Variants in AGO3 observed in about 807,000 individuals in gnomAD.
AGO3 encodes argonaute RISC catalytic component 3.
Under a neutral mutation model 105.5 loss-of-function variants are expected in AGO3, and 16 were observed. The ratio of observed to expected loss-of-function variants is 0.15; its 90% CI spans 0.10 to 0.23. AGO3 has a LOEUF of 0.23. Ranked by LOEUF, AGO3 falls within the 10% of genes least tolerant of loss-of-function variation. AGO3 has a pLI of 1.00. For missense variants in AGO3, 534 were observed against 1,088.0 expected (o/e 0.49, Z 7.16); for synonymous variants, 340 against 367.3 (o/e 0.93, Z 0.85).
At chr1:35,936,553 C>G (rs1048788125) in intron 1 of AGO3, among the ~76,000 whole-genome samples, 1 of 152,104 alleles carries the variant, frequency 6.6e-6, no homozygotes, top group African/African-American at 2.4e-5. Context: ...AACTCCTGAC[C>G]TCAGGTAGTC....
chr1:36,038,316 C>T (rs1003227474), intron 14 of AGO3, among the ~76,000 whole-genome samples: 2 of 130,442 alleles, frequency 1.5e-5, no homozygotes, highest in African/African-American at 5.9e-5. Context: ...ATGCAGTGGG[C>T]GCGATCTTGG....
chr1:36,055,286 T>A lies in AGO3; in HGVS notation c.2474+141T>A. On this transcript the variant is annotated intron_variant, in intron 18 of 18. Coordinates refer to ENST00000373191, the MANE Select transcript of AGO3 (RefSeq NM_024852.4). The surrounding 1 kb of genome is among the most constrained non-coding windows in gnomAD (Gnocchi z 4.4). The stretch of plus-strand genomic sequence containing the variant: ...GAACTGACTGCCCAAGGTTTCCTAT[T>A]GAAATATATTGTCTAGGCTCATTAG... 1 of 832,632 alleles carries A rather than the reference T, an allele frequency of 1.2e-6. No homozygotes were observed. Among genetic ancestry groups the A allele is most frequent in the Non-Finnish European group, 1.9e-6 (1 of 535,616 alleles). The allele number at this position is 832,632 out of a possible 1,614,324, so 51.6% of individuals were successfully genotyped here. A position where few individuals can be genotyped will look rare whatever the true frequency, so the allele number is the denominator to read the frequency against.
At chr1:36,034,881 A>G (rs1272102094) in intron 13 of AGO3, among the ~76,000 whole-genome samples, 2 of 152,226 alleles carry the variant, frequency 1.3e-5, no homozygotes, top group African/African-American at 4.8e-5. Context: ...AAAACACATT[A>G]CTGTTAGATC....
rs919798224 is a variant in AGO3, at chr1:35,986,475, G to C, written c.658+12964G>C. 5.9e-5 allele frequency among the ~76,000 whole-genome samples: 9 copies of C among 152,208 alleles called. No homozygotes were observed. In the Middle Eastern group the frequency reaches 0.01, roughly 173 times the overall value. Reference sequence around the variant, plus strand: ...AGGCAGAGGCCTTCGGATCATATGAGGCCAGGAGTTCAAGACCAGCCTGGT... The same window carrying C: ...AGGCAGAGGCCTTCGGATCATATGACGCCAGGAGTTCAAGACCAGCCTGGT... On this transcript the variant is annotated intron_variant, in intron 5 of 18. Coordinates refer to ENST00000373191, the MANE Select transcript of AGO3 (RefSeq NM_024852.4).
intron 11 of AGO3, among the ~76,000 whole-genome samples, chr1:36,020,105 A>G (rs906069051): frequency 2.0e-5 from 3 of 152,272 alleles, no homozygotes; most frequent in Middle Eastern, 3.4e-3. Flanking sequence ...TTGATGAATC[A>G]TGGAATACAG....
chr1:36,013,879 TC>T (rs1640745445), intron 10 of AGO3, 35 bp from the exon 11 acceptor site: 3 of 1,600,044 alleles, frequency 1.9e-6, no homozygotes, highest in Non-Finnish European at 2.6e-6. Flanking sequence ...AAATTTTTGT[TC>T]TTTTTCACCA....
intron 12 of AGO3, among the ~76,000 whole-genome samples, chr1:36,028,396 C>T (rs565961023): frequency 1.6e-4 from 17 of 104,064 alleles, no homozygotes; most frequent in South Asian, 8.6e-4. Context: ...ATCCCTCCCC[C>T]CCCCCCACCC....
At chr1:36,052,154 G>T (rs1264898643) in intron 17 of AGO3, among the ~76,000 whole-genome samples, 2 of 152,128 alleles carry the variant, frequency 1.3e-5, no homozygotes, top group African/African-American at 2.4e-5. Context: ...GCAAGATATG[G>T]AATCAACCTA....
In AGO3 at chr1:35,937,798, C is replaced by T. The variant is rs115102214; in HGVS notation, c.19+6353C>T. ...ATTGTAATGAGCCTAATAATAAGTGCGGTATGTTTGGACAGATTCATTGAA... is the reference window on the plus strand; with the variant it reads ...ATTGTAATGAGCCTAATAATAAGTGTGGTATGTTTGGACAGATTCATTGAA... On this transcript the variant is annotated intron_variant, in intron 1 of 18. Transcript: ENST00000373191. Among the ~76,000 whole-genome samples, 1,138 of 152,136 alleles carry T rather than the reference C, an allele frequency of 7.5e-3. 5 individuals carry two copies. Among genetic ancestry groups the T allele is most frequent in the Admixed American group, 0.013 (203 of 15,276 alleles).
intron 2 of AGO3, among the ~76,000 whole-genome samples, chr1:35,959,117 T>C (rs563657866): frequency 6.6e-6 from 1 of 152,328 alleles, no homozygotes; most frequent in Non-Finnish European, 1.5e-5. Context: ...CTCTCCTCTT[T>C]TTTACATTAA....
intron 17 of AGO3, among the ~76,000 whole-genome samples, chr1:36,049,491 C>T (rs1194938251): frequency 6.6e-6 from 1 of 151,324 alleles, no homozygotes; most frequent in Non-Finnish European, 1.5e-5. Flanking sequence ...GCACTCCAAC[C>T]TGGCGACAGA....
intron 5 of AGO3, among the ~76,000 whole-genome samples, chr1:35,975,082 A>C (rs1378636991): frequency 6.6e-6 from 1 of 152,172 alleles, no homozygotes. Flanking sequence ...TTTTATGTAT[A>C]TTAAGATAAG....
intron 5 of AGO3, among the ~76,000 whole-genome samples, chr1:35,985,005 A>G (rs1223968961): frequency 1.3e-5 from 2 of 152,188 alleles, no homozygotes; most frequent in Non-Finnish European, 1.5e-5. Context: ...TAAAATTCCA[A>G]TAGGGGGCCA....
intron 17 of AGO3, among the ~76,000 whole-genome samples, chr1:36,051,903 A>G (rs1642730999): frequency 6.6e-6 from 1 of 152,226 alleles, no homozygotes; most frequent in African/African-American, 2.4e-5. Context: ...CACTCAAATT[A>G]ATATAGTCAT....
chr1:36,042,904 T>C (rs910661257), intron 16 of AGO3, among the ~76,000 whole-genome samples: 4 of 152,230 alleles, frequency 2.6e-5, no homozygotes, highest in African/African-American at 7.2e-5. Flanking sequence ...TTTGTATTCC[T>C]GAGCCTTTAT....
intron 11 of AGO3, among the ~76,000 whole-genome samples, chr1:36,026,006 A>C (rs1325917273): frequency 6.6e-6 from 1 of 151,566 alleles, no homozygotes; most frequent in Non-Finnish European, 1.5e-5. Context: ...GTATCACTGC[A>C]CTCCAGCCTG....
Position 36,064,073 on chromosome 1 carries a change from T to G in AGO3, c.*8328T>G, listed in dbSNP as rs890299869. On this transcript the variant is annotated 3_prime_UTR_variant, in exon 19 of 19. Transcript: ENST00000373191. ...GATCAAGATTATGGATATTGGTATG[T>G]TAACTTTTAAAATAAAAGTACATGG... 2.6e-5 allele frequency: 4 copies of G among 152,242 alleles called. No homozygotes were observed. Among genetic ancestry groups the G allele is most frequent in the Non-Finnish European group, 5.9e-5 (4 of 68,050 alleles). The allele number at this position is 152,242 out of a possible 1,614,324, so 9.4% of individuals were successfully genotyped here. A position where few individuals can be genotyped will look rare whatever the true frequency, so the allele number is the denominator to read the frequency against.
chr1:35,969,806 G>A (rs1471700246), intron 3 of AGO3, among the ~76,000 whole-genome samples: 2 of 152,118 alleles, frequency 1.3e-5, no homozygotes, highest in African/African-American at 2.4e-5. Flanking sequence ...AACCTATATA[G>A]GATGTTACTA....
intron 13 of AGO3, among the ~76,000 whole-genome samples, chr1:36,034,858 T>C (rs554501316): frequency 1.3e-5 from 2 of 152,342 alleles, no homozygotes; most frequent in East Asian, 3.9e-4. Context: ...GCCTTCCTGC[T>C]ATAGTCAGTG....
Sources: allele counts gnomAD v4.1 joint callset (sites outside exome capture counted in the v4.1 genomes callset), GRCh38; gene constraint gnomAD v4.1.1; non-coding constraint Gnocchi (gnomAD v3.1); transcripts MANE v1.5; gene names NCBI Gene and HGNC (gene_info 2026-07-23, HGNC 2026-07-21).